The following KLHL13 variants were observed in gnomAD, a reference collection of about 807,000 sequenced individuals.
KLHL13 encodes kelch-like protein 13.
Under a neutral mutation model 37.1 loss-of-function variants are expected in KLHL13, and 10 were observed. The ratio of observed to expected loss-of-function variants is 0.27; its 90% CI spans 0.17 to 0.46. KLHL13 has a LOEUF of 0.46. KLHL13 is among the 20% of genes least tolerant of loss of function. KLHL13 has a pLI of 1.00. For synonymous variants in KLHL13, 163 were observed against 181.2 expected, an observed-to-expected ratio of 0.90 and a Z score of 0.81; for missense variants, 360 against 509.3, an observed-to-expected ratio of 0.71 and a Z score of 2.82.
chrX:118,074,098 C>A (rs891695519), intron 1 of KLHL13, among the ~76,000 whole-genome samples: 1 of 111,707 alleles, frequency 9.0e-6, no homozygotes, highest in African/African-American at 3.3e-5. Context: ...ATTTTGCTAT[C>A]TGCTGATTAC....
At chrX:117,966,468 A>G (rs753160256) in intron 1 of KLHL13, among the ~76,000 whole-genome samples, 1 of 111,530 alleles carries the variant, frequency 9.0e-6, no homozygotes, top group East Asian at 2.8e-4. Flanking sequence ...CAATATCATG[A>G]AAATGGCCAT....
chrX:118,044,335 C>T (rs1291963720), intron 1 of KLHL13, among the ~76,000 whole-genome samples: 1 of 109,229 alleles, frequency 9.2e-6, no homozygotes, highest in African/African-American at 3.3e-5. Flanking sequence ...AATGTAACCC[C>T]TATCAAAATA....
rs925918272 is a variant in KLHL13 at position 118,014,682 on chromosome X, G to A, written c.-55-69107C>T. ...GACGATATGTGACTTCGCCTCCAGC[G>A]GCCCAGCTATAAAATTCTTCTCTTT... On this transcript the variant is annotated intron_variant, in intron 1 of 6. Coordinates refer to the KLHL13 transcript ENST00000371882. Among the ~76,000 whole-genome samples, 8 of 112,132 alleles carry A rather than the reference G, an allele frequency of 7.1e-5. 1 individual carries two copies. The highest frequency in any genetic ancestry group is 7.3e-4 in the South Asian group (2 of 2,725).
At chrX:117,961,371 G>T (rs2053292135) in intron 1 of KLHL13, among the ~76,000 whole-genome samples, 1 of 111,779 alleles carries the variant, frequency 8.9e-6, no homozygotes, top group African/African-American at 3.2e-5. Flanking sequence ...GAACCACTTG[G>T]GTTAATTGGA....
chrX:118,090,307 C>A (rs2055116041), intron 1 of KLHL13, among the ~76,000 whole-genome samples: 1 of 110,859 alleles, frequency 9.0e-6, no homozygotes, highest in African/African-American at 3.3e-5. Context: ...TTCTGCACAA[C>A]AAAAGAAACT....
chrX:118,070,704 A>T (rs887650169), intron 1 of KLHL13, among the ~76,000 whole-genome samples: 1 of 108,656 alleles, frequency 9.2e-6, no homozygotes, highest in South Asian at 3.9e-4. Flanking sequence ...TTCCACTCCA[A>T]TTGGTAGATT....
intron 2 of KLHL13, among the ~76,000 whole-genome samples, chrX:117,939,102 C>A (rs190454369): frequency 9.1e-6 from 1 of 110,164 alleles, no homozygotes; most frequent in African/African-American, 3.3e-5. Flanking sequence ...CCCCCCACCC[C>A]CTGAAAGGCC....
intron 1 of KLHL13, among the ~76,000 whole-genome samples, chrX:117,963,427 A>G (rs1336112432): frequency 8.9e-6 from 1 of 112,249 alleles, no homozygotes; most frequent in Non-Finnish European, 1.9e-5. Context: ...TGTAAAGAAT[A>G]GTATTCCATT....
intron 2 of KLHL13, among the ~76,000 whole-genome samples, chrX:117,921,180 G>A (rs1931676087): frequency 8.9e-6 from 1 of 111,823 alleles, no homozygotes; most frequent in Admixed American, 9.5e-5. Flanking sequence ...ATATAAGTTG[G>A]AAGAATGACA....
chrX:117,973,236 T>C (rs1490417613), exon 1 of KLHL13: 1 of 962,760 alleles, frequency 1.0e-6, no homozygotes, highest in Non-Finnish European at 1.3e-6. Flanking sequence ...CTGCACCTAT[T>C]AACCTGATTT....
chrX:118,108,596 A>G (rs1357282983), intron 1 of KLHL13, among the ~76,000 whole-genome samples: 2 of 112,246 alleles, frequency 1.8e-5, no homozygotes, highest in African/African-American at 6.5e-5. Flanking sequence ...ACTTTCTTCT[A>G]GTATTAACTA....
At chrX:118,065,380 T>C (rs1338850393) in intron 1 of KLHL13, among the ~76,000 whole-genome samples, 2 of 111,609 alleles carry the variant, frequency 1.8e-5, no homozygotes, top group South Asian at 3.8e-4. Context: ...CTCTGAGAAC[T>C]GCATACCATC....
chrX:117,938,994 G>C (rs763281192), intron 2 of KLHL13, among the ~76,000 whole-genome samples: 63 of 110,042 alleles, frequency 5.7e-4, no homozygotes, highest in South Asian at 2.4e-3. Flanking sequence ...AGAACATGCA[G>C]GTTTGTCACA....
At chrX:118,033,079 T>A (rs935138214) in intron 1 of KLHL13, among the ~76,000 whole-genome samples, 8 of 110,098 alleles carry the variant, frequency 7.3e-5, no homozygotes, top group Non-Finnish European at 1.5e-4. Flanking sequence ...CTCCAAGAAA[T>A]GTAGGACTAT....
At chrX:117,952,263 A>G (rs1487178519) in intron 1 of KLHL13, among the ~76,000 whole-genome samples, 2 of 111,493 alleles carry the variant, frequency 1.8e-5, no homozygotes, top group African/African-American at 6.5e-5. Flanking sequence ...ATCTACAACT[A>G]TCTGATCTTT....
At chrX:118,096,280 A>T (rs1257927618) in intron 1 of KLHL13, among the ~76,000 whole-genome samples, 1 of 111,861 alleles carries the variant, frequency 8.9e-6, no homozygotes, top group Non-Finnish European at 1.9e-5. Flanking sequence ...ACAAACTACC[A>T]TCAGAGAATA....
chrX:118,041,854 C>A (rs988458987), intron 1 of KLHL13, among the ~76,000 whole-genome samples: 2 of 111,624 alleles, frequency 1.8e-5, no homozygotes, highest in African/African-American at 6.5e-5. Flanking sequence ...AACAAAATGG[C>A]TGAAGTCCTT....
At chrX:117,985,297 G>T (rs1282735535) in intron 1 of KLHL13, 3 of 1,137,423 alleles carry the variant, frequency 2.6e-6, no homozygotes, top group Non-Finnish European at 3.5e-6. Flanking sequence ...TGTTCTTGTG[G>T]ATCCCTCTCT....
At chrX:117,922,345 A>C (rs775949141) in intron 2 of KLHL13, among the ~76,000 whole-genome samples, 21 of 111,723 alleles carry the variant, frequency 1.9e-4, no homozygotes, top group Admixed American at 3.8e-4. Flanking sequence ...TGAGGACACT[A>C]GGGTGTGGGA....
Sources: allele counts gnomAD v4.1 joint callset (sites outside exome capture counted in the v4.1 genomes callset), GRCh38; gene constraint gnomAD v4.1.1; transcripts MANE v1.5; gene names NCBI Gene and HGNC (gene_info 2026-07-23, HGNC 2026-07-21).